RGL2: variants seen among roughly 807,000 people sequenced by gnomAD.
RGL2 encodes ral guanine nucleotide dissociation stimulator like 2.
In RGL2, 40 loss-of-function variants were observed where a neutral mutation model predicts 84.6. That is an observed-to-expected ratio of 0.47 (90% CI 0.37 to 0.62). The LOEUF is 0.62. Ranked by LOEUF, RGL2 falls within the 20% of genes least tolerant of loss-of-function variation. RGL2 has a pLI of 0.00. For missense variants in RGL2, 865 were observed against 1,019.7 expected (o/e 0.85, Z 2.07); for synonymous variants, 369 against 417.3 (o/e 0.88, Z 1.41).
At position 33,298,518 on chromosome 6, in the gene RGL2, A is replaced by G; in HGVS notation, c.93T>C (p.Gly31=). 1 of 1,507,888 alleles carries G rather than the reference A, an allele frequency of 6.6e-7. No homozygotes were observed. Among genetic ancestry groups the G allele is most frequent in the Non-Finnish European group, 8.9e-7 (1 of 1,128,584 alleles). The allele number at this position is 1,507,888 out of a possible 1,614,324, so 93.4% of individuals were successfully genotyped here. A position where few individuals can be genotyped will look rare whatever the true frequency, so the allele number is the denominator to read the frequency against. Residue 31 remains glycine (G), a synonymous_variant, in exon 2 of 18, where the codon GGT becomes GGC. Coordinates refer to ENST00000497454, the MANE Select transcript of RGL2 (RefSeq NM_004761.5). The surrounding 1 kb of genome is among the most constrained non-coding windows in gnomAD (Gnocchi z 4.8). ...SSFRSRDPEE[G]GGPGGLVVGG... is the part of the protein sequence containing the mutation. ...CCACGACCAGGCCACCTGGGCCCCC[A>G]CCCTCTTCGGGGTCCCGGCTTCGGA...
chr6:33,294,602 A>G lies in RGL2; in HGVS notation c.1353+86T>C. The G allele has an allele frequency of 7.0e-7, 1 of 1,425,078 alleles. No homozygotes were observed. Among genetic ancestry groups the G allele is most frequent in the Non-Finnish European group, 9.8e-7 (1 of 1,021,212 alleles). 88.3% of individuals were successfully genotyped at this position (1,425,078 alleles called of 1,614,324 possible). On this transcript the variant is annotated intron_variant, in intron 11 of 17. Coordinates refer to ENST00000497454, the MANE Select transcript of RGL2 (RefSeq NM_004761.5). This position sits in a 1 kb window ranked among gnomAD's most constrained non-coding sequence, Gnocchi z 5.0. ...CCACACTCAGCTATTTGTGCCTTAC[A>G]GCCCCTTGCAAGGGGCGGGGGGGTC...
At chr6:33,299,600 G>A (rs180684022), upstream of RGL2, 4 of 152,300 alleles carry the variant, frequency 2.6e-5, no homozygotes, top group Non-Finnish European at 1.5e-5. The surrounding 1 kb of genome is among the most constrained non-coding windows in gnomAD (Gnocchi z 5.0). Flanking sequence ...CGGTGTCGAC[G>A]GGGCGTTCTC....
In RGL2 at chr6:33,297,161, C is replaced by G; in HGVS notation, c.157-46G>C. ...AAGTCAGACAGTTCCACACCACCCC[C>G]CATTGCCCTCAGCCTTCACCCCAGG... On this transcript the variant is annotated intron_variant, in intron 2 of 17. Transcript: ENST00000497454. This position sits in a 1 kb window ranked among gnomAD's most constrained non-coding sequence, Gnocchi z 4.0. The G allele has an allele frequency of 1.4e-6, 2 of 1,438,292 alleles. No homozygotes were observed. Among genetic ancestry groups the G allele is most frequent in the Non-Finnish European group, 1.9e-6 (2 of 1,061,322 alleles). 89.1% of individuals were successfully genotyped at this position (1,438,292 alleles called of 1,614,324 possible).
rs535599366 is a variant in RGL2 at position 33,295,315 on chromosome 6, G to A, written c.1124+4C>T. 22 of 1,567,972 alleles carry A rather than the reference G, an allele frequency of 1.4e-5. No homozygotes were observed. The highest frequency in any genetic ancestry group is 1.7e-4 in the Middle Eastern group (1 of 6,012). On this transcript the variant is annotated splice_donor_region_variant and intron_variant, in intron 8 of 17. Transcript: ENST00000497454. This position sits in a 1 kb window ranked among gnomAD's most constrained non-coding sequence, Gnocchi z 7.2. The stretch of plus-strand genomic sequence containing the variant: ...ACCCCAGTCCAATGCCTCAGCCTCC[G>A]CACCTGGTTGCTTCCCCCCAGGCTG...
At position 33,294,019 on chromosome 6, in the gene RGL2, A is replaced by T. The variant is rs369080759; in HGVS notation, c.1386+15T>A. Reference sequence around the variant, plus strand: ...GATAGGGAAGTCCAGCATCCAGCCCAGACACTCCGCTCACCTTCCTCCGCT... The same window carrying T: ...GATAGGGAAGTCCAGCATCCAGCCCTGACACTCCGCTCACCTTCCTCCGCT... On this transcript the variant is annotated intron_variant, in intron 12 of 17. Coordinates refer to ENST00000497454, the MANE Select transcript of RGL2 (RefSeq NM_004761.5). This position sits in a 1 kb window ranked among gnomAD's most constrained non-coding sequence, Gnocchi z 5.0. The T allele has an allele frequency of 1.2e-6, 2 of 1,613,828 alleles. No homozygotes were observed.
upstream of RGL2, chr6:33,301,475 GA>G: frequency 2.3e-6 from 1 of 441,686 alleles, no homozygotes; most frequent in Non-Finnish European, 4.0e-6. Flanking sequence ...TCCGGAGGCT[GA>G]AGCCACAGAA....
rs369642679 is a variant in RGL2, at chr6:33,292,244, C to T, written c.2192G>A (p.Arg731Gln). The change falls in exon 18 of 18, where the codon CGG (arginine) becomes CAG (glutamine). Residue 731 changes from arginine (R) to glutamine (Q), a missense_variant. Arg to Gln is a conservative substitution (Grantham distance 43). Around this residue, in one of 5 missense-constraint regions of RGL2, gnomAD observed 302 missense variants for 327.9 expected, o/e 0.92. Transcript: ENST00000497454. Reference protein sequence around the residue: ...MDGASHDFLLRQRRRSSTATP... With the variant: ...MDGASHDFLLQQRRRSSTATP... Reference sequence around the variant, plus strand: ...AGCAGTAGAGGACCTTCGCCGCTGCCGCAGGAGGAAATCGTGTGAAGCTCC... The same window carrying T: ...AGCAGTAGAGGACCTTCGCCGCTGCTGCAGGAGGAAATCGTGTGAAGCTCC... 1.6e-5 allele frequency: 26 copies of T among 1,614,052 alleles called. No individual in the cohort carries two copies. The highest frequency in any genetic ancestry group is 4.0e-5 in the African/African-American group (3 of 74,902).
Position 33,295,002 on chromosome 6 carries a change from G to A in RGL2, c.1253C>T (p.Ala418Val), listed in dbSNP as rs1328199440. Residue 418 changes from alanine to valine, a missense_variant, in exon 10 of 18, where the codon GCC (alanine) becomes GTC (valine). This residue lies in a region of RGL2 where 455 missense variants were observed against 507.8 expected (regional missense o/e 0.90). Transcript: ENST00000497454. This position sits in a 1 kb window ranked among gnomAD's most constrained non-coding sequence, Gnocchi z 7.2. The part of the protein sequence containing the change: ...QSPLEPHSKK[A>V]PRSGSRGGGV... ...CCCACCCCGGGAGCCAGACCTCGGG[G>A]CCTTCTTGGAGTGTGGCTCCAGAGG... 1 of 1,584,292 alleles carries A rather than the reference G, an allele frequency of 6.3e-7. No homozygotes were observed.
Position 33,296,487 on chromosome 6 carries a change from T to A in RGL2, c.420-23A>T. The A allele has an allele frequency of 6.3e-7, 1 of 1,595,726 alleles. No homozygotes were observed. Among genetic ancestry groups the A allele is most frequent in the Non-Finnish European group, 8.5e-7 (1 of 1,171,594 alleles). ...AGCCTGAGGGGGAGAAGAGGATCTA[T>A]CTGTCCATTTTTCCCAAACCCTCAG... On this transcript the variant is annotated intron_variant, in intron 4 of 17. Transcript: ENST00000497454. This position sits in a 1 kb window ranked among gnomAD's most constrained non-coding sequence, Gnocchi z 5.0.
In RGL2 at chr6:33,298,875, CG is replaced by C; in HGVS notation, c.-48del. ...CAGGGTGCTCAGGCTCTGACCTGCT[CG>C]GGAGGGGTGGGGGCAGCGTGGGTCC... On this transcript the variant is annotated 5_prime_UTR_variant, in exon 1 of 18. Transcript: ENST00000497454. The surrounding 1 kb of genome is among the most constrained non-coding windows in gnomAD (Gnocchi z 4.8). 6.7e-6 allele frequency: 1 copy of C among 148,820 alleles called. No homozygotes were observed. The highest frequency in any genetic ancestry group is 1.3e-4 in the East Asian group (1 of 7,942). The allele number at this position is 148,820 out of a possible 1,614,324, so 9.2% of individuals were successfully genotyped here.
chr6:33,298,965 C>A, upstream of RGL2: 1 of 197,284 alleles, frequency 5.1e-6, no homozygotes, highest in Admixed American at 6.1e-5. This position sits in a 1 kb window ranked among gnomAD's most constrained non-coding sequence, Gnocchi z 4.8. Context: ...TTTCCGTACC[C>A]CCTTGAACCC....
chr6:33,300,981 A>G (rs1251254929), upstream of RGL2: 2 of 152,090 alleles, frequency 1.3e-5, no homozygotes, highest in Non-Finnish European at 2.9e-5. Context: ...AAAAAAAAAA[A>G]AAGTTTTTTG....
Position 33,293,673 on chromosome 6 carries a change from G to C in RGL2, c.1535C>G (p.Pro512Arg). ...GGCAGGAGGGTCACTGGAACCAGGT[G>C]GCTCCACCTCACAGGATACACGATG... Reference protein sequence around the residue: ...QSHRVSCEVEPPGSSDPPAPR... With the variant: ...QSHRVSCEVERPGSSDPPAPR... The change falls in exon 14 of 18, where the codon CCA becomes CGA. Residue 512 changes from proline (P) to arginine (R), a missense_variant. This residue lies in a region of RGL2 where 75 missense variants were observed against 130.8 expected (regional missense o/e 0.57). Transcript: ENST00000497454. The surrounding 1 kb of genome is among the most constrained non-coding windows in gnomAD (Gnocchi z 7.0). 2 of 1,614,172 alleles carry C rather than the reference G, an allele frequency of 1.2e-6. No individual in the cohort carries two copies.
chr6:33,299,185 G>A (rs969778405), upstream of RGL2: 5 of 152,268 alleles, frequency 3.3e-5, no homozygotes, highest in African/African-American at 9.6e-5. This position sits in a 1 kb window ranked among gnomAD's most constrained non-coding sequence, Gnocchi z 5.0. Context: ...TGGAGACCAC[G>A]TCGACCCGCA....
chr6:33,298,315 A>T lies in RGL2; in HGVS notation c.156+140T>A, dbSNP rs1768211008. Reference sequence around the variant, plus strand: ...CCACGGAGACGCCAGGACTCCCCGCAGCAGAGAAACGGGCCGACACCCAGG... The same window carrying T: ...CCACGGAGACGCCAGGACTCCCCGCTGCAGAGAAACGGGCCGACACCCAGG... On this transcript the variant is annotated intron_variant, in intron 2 of 17. Coordinates refer to ENST00000497454, the MANE Select transcript of RGL2 (RefSeq NM_004761.5). The surrounding 1 kb of genome is among the most constrained non-coding windows in gnomAD (Gnocchi z 4.8). The T allele has an allele frequency of 2.3e-5, 13 of 570,540 alleles. No individual in the cohort carries two copies. The South Asian group carries it at 2.9e-4, about 13-fold the overall frequency. 35.3% of individuals were successfully genotyped at this position (570,540 alleles called of 1,614,324 possible).
Position 33,296,870 on chromosome 6 carries a change from C to A in RGL2, c.241-94G>T, listed in dbSNP as rs1055428488. The A allele has an allele frequency of 6.4e-7, 1 of 1,560,824 alleles. No homozygotes were observed. The highest frequency in any genetic ancestry group is 8.8e-7 in the Non-Finnish European group (1 of 1,132,490). On this transcript the variant is annotated intron_variant, in intron 3 of 17. Coordinates refer to ENST00000497454, the MANE Select transcript of RGL2 (RefSeq NM_004761.5). This position sits in a 1 kb window ranked among gnomAD's most constrained non-coding sequence, Gnocchi z 5.0. ...CCAGACCCAGGAGATGTTCCAGACT[C>A]ATTTTTCTGATATTCAGAGAGGGCA...
Position 33,293,976 on chromosome 6 carries a change from T to G in RGL2, c.1386+58A>C. The G allele has an allele frequency of 6.2e-7, 1 of 1,613,698 alleles. No homozygotes were observed. The highest frequency in any genetic ancestry group is 8.5e-7 in the Non-Finnish European group (1 of 1,179,942). On this transcript the variant is annotated intron_variant, in intron 12 of 17. Coordinates refer to ENST00000497454, the MANE Select transcript of RGL2 (RefSeq NM_004761.5). This position sits in a 1 kb window ranked among gnomAD's most constrained non-coding sequence, Gnocchi z 7.0. The stretch of plus-strand genomic sequence containing the variant: ...CTCAGGGACCCCTGACTTTTCCCCC[T>G]CCCCTTCCTGGAACATGGATAGGGA...
rs148615829 is a variant in RGL2, at chr6:33,292,498, T to C, written c.2054A>G (p.Lys685Arg). ...KAPSVISRVL[K>R]KNNRDSAVAS... ...CACTGCAGAGTCACGATTGTTTTTC[T>C]TAAGGACACGACTGATGACACTTGG... Residue 685 changes from lysine (K) to arginine (R), a missense_variant, in exon 17 of 18, where the codon AAG (lysine) becomes AGG (arginine). Physicochemically the swap from Lys to Arg is conservative, Grantham distance 26. Coordinates refer to ENST00000497454, the MANE Select transcript of RGL2 (RefSeq NM_004761.5). 8.1e-6 allele frequency: 13 copies of C among 1,614,180 alleles called. No homozygotes were observed. The African/African-American group carries it at 1.3e-4, about 17-fold the overall frequency.
At position 33,292,137 on chromosome 6, in the gene RGL2, C is replaced by A. The variant is rs1477697506; in HGVS notation, c.2299G>T (p.Ala767Ser). 6.2e-7 allele frequency: 1 copy of A among 1,614,184 alleles called. No individual in the cohort carries two copies. Among genetic ancestry groups the A allele is most frequent in the South Asian group, 1.1e-5 (1 of 91,086 alleles). ...GCCCGTGCAATCTTCCTCCCTGTGG[C>A]CTTGATCCTGGGAAAGGAGCCCCCT... ...GGGGSFPRIK[A>S]TGRKIARALF Residue 767 changes from alanine (A) to serine (S), a missense_variant, in exon 18 of 18, where the codon GCC becomes TCC. Physicochemically the swap from Ala to Ser is moderately conservative, Grantham distance 99. Around this residue, in one of 5 missense-constraint regions of RGL2, gnomAD observed 302 missense variants for 327.9 expected, o/e 0.92. Coordinates refer to ENST00000497454, the MANE Select transcript of RGL2 (RefSeq NM_004761.5).
Sources: gnomAD v4.1 joint callset for allele counts on GRCh38, gnomAD v4.1.1 for gene constraint, gnomAD v4.1.1 regional missense constraint, Gnocchi (gnomAD v3.1) non-coding constraint, MANE v1.5 for transcripts, NCBI Gene and HGNC (gene_info 2026-07-23, HGNC 2026-07-21) for gene names.